The following PARD3B variants were observed in gnomAD, a reference collection of about 807,000 sequenced individuals.
The protein encoded by PARD3B is partitioning defective 3 homolog B.
In PARD3B, 103 loss-of-function variants were observed where a neutral mutation model predicts 130.2. The observed-to-expected ratio is 0.79, with a 90% CI of 0.67 to 0.93. The LOEUF is 0.93. Ranked by LOEUF, PARD3B falls within the 40% of genes least tolerant of loss-of-function variation. The pLI is 0.00. For missense variants in PARD3B, 1,609 were observed against 1,499.2 expected, an observed-to-expected ratio of 1.07 and a Z score of -1.21; for synonymous variants, 583 against 553.2, an observed-to-expected ratio of 1.05 and a Z score of -0.76.
chr2:205,052,665 C>G (rs1699308374), intron 4 of PARD3B, among the ~76,000 whole-genome samples: 1 of 151,574 alleles, frequency 6.6e-6, no homozygotes, highest in South Asian at 2.1e-4. Context: ...AGGGAAGCCA[C>G]TAATTCTCAC....
rs566092632 is a variant in PARD3B at position 204,840,561 on chromosome 2, C to G, written c.223-124591C>G. ...TTTTTTTTTAACTATGGTCCTTAGA[C>G]AATAGCTTTCAACTCTCCATAGAAC... On this transcript the variant is annotated intron_variant, in intron 2 of 22. Transcript: ENST00000406610. 4.8e-3 allele frequency among the ~76,000 whole-genome samples: 723 copies of G among 150,960 alleles called. 2 individuals are homozygous for G. The highest frequency in any genetic ancestry group is 7.8e-3 in the Non-Finnish European group (528 of 67,824).
At chr2:204,735,315 A>C (rs763730080) in intron 2 of PARD3B, among the ~76,000 whole-genome samples, 1 of 150,920 alleles carries the variant, frequency 6.6e-6, no homozygotes, top group African/African-American at 2.4e-5. Flanking sequence ...GGACCACCTG[A>C]TATCACGTGT....
chr2:205,539,264 C>T (rs888958553), intron 21 of PARD3B, among the ~76,000 whole-genome samples: 5 of 152,164 alleles, frequency 3.3e-5, no homozygotes, highest in Non-Finnish European at 7.3e-5. Context: ...TGCCTTTGTC[C>T]TGGTCAGGGT....
chr2:204,623,853 C>G lies in PARD3B; in HGVS notation c.121-62328C>G, dbSNP rs992452423. Among the ~76,000 whole-genome samples the G allele has an allele frequency of 2.0e-5, 3 of 152,270 alleles. No homozygotes were observed. The highest frequency in any genetic ancestry group is 7.2e-5 in the African/African-American group (3 of 41,570). ...CTAACAGCCACCATTATACTCTGTG[C>G]TTCTATGTGTTTGAGTACTTTATGT... On this transcript the variant is annotated intron_variant, in intron 1 of 22. Coordinates refer to ENST00000406610, the MANE Select transcript of PARD3B (RefSeq NM_001302769.2). The surrounding 1 kb of genome is among the most constrained non-coding windows in gnomAD (Gnocchi z 4.5).
intron 22 of PARD3B, among the ~76,000 whole-genome samples, chr2:205,613,405 G>T (rs989650410): frequency 1.3e-5 from 2 of 152,164 alleles, no homozygotes; most frequent in Non-Finnish European, 2.9e-5. Flanking sequence ...AAATGAGCAT[G>T]GTGAGGTGGA....
At chr2:204,653,459 T>A (rs2035548783) in intron 1 of PARD3B, among the ~76,000 whole-genome samples, 1 of 150,730 alleles carries the variant, frequency 6.6e-6, no homozygotes, top group South Asian at 2.1e-4. Flanking sequence ...TAGCATAACC[T>A]CTCATGATCT....
intron 3 of PARD3B, among the ~76,000 whole-genome samples, chr2:205,040,674 A>G (rs1016939704): frequency 6.6e-6 from 1 of 152,186 alleles, no homozygotes; most frequent in African/African-American, 2.4e-5. Flanking sequence ...TCTAATTTGC[A>G]AGAACTTTAG....
intron 5 of PARD3B, among the ~76,000 whole-genome samples, chr2:205,113,056 T>C (rs1703752803): frequency 6.6e-6 from 1 of 152,200 alleles, no homozygotes; most frequent in Admixed American, 6.5e-5. Context: ...TATTTCATTT[T>C]TCCTCTGTTC....
At chr2:205,346,475 A>T (rs1426341153) in intron 18 of PARD3B, among the ~76,000 whole-genome samples, 1 of 152,182 alleles carries the variant, frequency 6.6e-6, no homozygotes, top group East Asian at 1.9e-4. Flanking sequence ...CTACATCAAA[A>T]TTGGGACAAT....
intron 20 of PARD3B, among the ~76,000 whole-genome samples, chr2:205,467,781 C>T (rs1010367582): frequency 7.2e-5 from 11 of 152,118 alleles, no homozygotes; most frequent in African/African-American, 1.2e-4. Flanking sequence ...TCCAGGGCAG[C>T]GAAAGACCCT....
At chr2:204,650,100 AACAG>A (rs1357022826) in intron 1 of PARD3B, among the ~76,000 whole-genome samples, 21 of 152,224 alleles carry the variant, frequency 1.4e-4, no homozygotes, top group Non-Finnish European at 1.5e-5. Context: ...AAAGGACATG[AACAG>A]ACACTTTTCA....
rs577298294 is a variant in PARD3B at position 204,702,344 on chromosome 2, A to G, written c.222+16062A>G. ...GAGTGCTTTCCAAGGTGGCTGAACT[A>G]ATTTGCATTTCCACCTACAGTGTTT... On this transcript the variant is annotated intron_variant, in intron 2 of 22. Coordinates refer to ENST00000406610, the MANE Select transcript of PARD3B (RefSeq NM_001302769.2). 1.2e-4 allele frequency among the ~76,000 whole-genome samples: 19 copies of G among 152,282 alleles called. 1 individual carries two copies. In the South Asian group the frequency reaches 3.9e-3, roughly 32 times the overall value.
intron 18 of PARD3B, among the ~76,000 whole-genome samples, chr2:205,306,610 T>C (rs577942540): frequency 6.6e-6 from 1 of 152,366 alleles, no homozygotes; most frequent in Admixed American, 6.5e-5. Flanking sequence ...TATTTTCATG[T>C]AGTAGAAATC....
At chr2:204,970,125 G>T (rs552182918) in intron 3 of PARD3B, among the ~76,000 whole-genome samples, 1 of 151,958 alleles carries the variant, frequency 6.6e-6, no homozygotes, top group African/African-American at 2.4e-5. Context: ...GAGTCTCCCG[G>T]TCCTTCCCCT....
intron 2 of PARD3B, among the ~76,000 whole-genome samples, chr2:204,727,394 T>G (rs2039284096): frequency 6.6e-6 from 1 of 152,230 alleles, no homozygotes; most frequent in African/African-American, 2.4e-5. Flanking sequence ...TACATGTCGA[T>G]GTCTAGTTTC....
Position 205,230,300 on chromosome 2 carries a change from C to CT in PARD3B, c.2141-15477dup, listed in dbSNP as rs2038768819. ...AAGACCCATGGCAAGTACTGCCTGGCTACTGCTGCTAATTATTCAGGACCC... is the reference window on the plus strand; with the variant it reads ...AAGACCCATGGCAAGTACTGCCTGGCTTACTGCTGCTAATTATTCAGGACCC... On this transcript the variant is annotated intron_variant, in intron 15 of 22. Coordinates refer to ENST00000406610, the MANE Select transcript of PARD3B (RefSeq NM_001302769.2). This position sits in a 1 kb window ranked among gnomAD's most constrained non-coding sequence, Gnocchi z 4.1. Among the ~76,000 whole-genome samples the CT allele has an allele frequency of 6.6e-6, 1 of 152,152 alleles. No individual in the cohort carries two copies. Among genetic ancestry groups the CT allele is most frequent in the South Asian group, 2.1e-4 (1 of 4,828 alleles).
intron 2 of PARD3B, among the ~76,000 whole-genome samples, chr2:204,787,687 G>A (rs191239018): frequency 1.6e-3 from 246 of 152,268 alleles, no homozygotes; most frequent in African/African-American, 5.7e-3. Context: ...CTAATAGGTG[G>A]AATGTAACTC....
intron 1 of PARD3B, among the ~76,000 whole-genome samples, chr2:204,612,364 A>G (rs1435484285): frequency 4.6e-5 from 7 of 152,226 alleles, no homozygotes; most frequent in Non-Finnish European, 4.4e-5. Context: ...CTGTAGGTGG[A>G]CTGCATCAGC....
At chr2:204,785,061 T>C (rs915844854) in intron 2 of PARD3B, among the ~76,000 whole-genome samples, 1 of 152,126 alleles carries the variant, frequency 6.6e-6, no homozygotes, top group African/African-American at 2.4e-5. Context: ...TAATAATCAA[T>C]AGTAGTATAG....
Sources: gnomAD v4.1 joint callset for allele counts (sites outside exome capture counted in the v4.1 genomes callset) on GRCh38, gnomAD v4.1.1 for gene constraint, Gnocchi (gnomAD v3.1) non-coding constraint, MANE v1.5 for transcripts, NCBI Gene and HGNC (gene_info 2026-07-23, HGNC 2026-07-21) for gene names.